Variants in RBFOX1 observed in about 807,000 individuals in gnomAD.
RBFOX1 encodes RNA binding protein fox-1 homolog 1.
Under a neutral mutation model 57.7 loss-of-function variants are expected in RBFOX1, and 8 were observed. The ratio of observed to expected loss-of-function variants is 0.14; its 90% CI spans 0.08 to 0.25. The LOEUF (loss-of-function observed/expected upper bound fraction) is 0.25. RBFOX1 is among the 10% of genes least tolerant of loss of function. The probability of loss-of-function intolerance (pLI) is 1.00; values close to 1 mark genes in which losing one functional copy is unlikely to be tolerated. For missense variants in RBFOX1, 611 were observed against 548.5 expected (o/e 1.11, Z -1.14); for synonymous variants, 326 against 222.4 (o/e 1.47, Z -4.15).
intron 2 of RBFOX1, among the ~76,000 whole-genome samples, chr16:6,441,398 T>TTTTTGTTTTGTTTTG (rs980903759): frequency 6.6e-6 from 1 of 152,010 alleles, no homozygotes; most frequent in African/African-American, 2.4e-5. Context: ...TTTTCTTGTT[T>TTTTTGTTTTGTTTTG]TTTTGTTTTG....
At chr16:6,609,355 T>C (rs961612795) in intron 2 of RBFOX1, among the ~76,000 whole-genome samples, 1 of 152,162 alleles carries the variant, frequency 6.6e-6, no homozygotes, top group African/African-American at 2.4e-5. Flanking sequence ...TTTTTATTTT[T>C]ATTTTTTGAG....
At position 5,890,081 on chromosome 16, in the gene RBFOX1, C is replaced by A. The variant is rs114018833; in HGVS notation, c.351+22746C>A. On this transcript the variant is annotated intron_variant, in intron 4 of 19. Coordinates refer to the RBFOX1 transcript ENST00000641259. ...GTGTTCCAGCTTCACCACGAACAGA[C>A]TGCCAGATCTTGGGTAAACTGTACT... is the stretch of plus-strand genomic sequence containing the variant. Among the ~76,000 whole-genome samples the A allele has an allele frequency of 3.7e-3, 557 of 152,286 alleles. 3 individuals carry two copies. Among genetic ancestry groups the A allele is most frequent in the African/African-American group, 0.013 (536 of 41,556 alleles).
At chr16:6,911,528 C>A (rs1438301840) in intron 3 of RBFOX1, among the ~76,000 whole-genome samples, 1 of 152,228 alleles carries the variant, frequency 6.6e-6, no homozygotes, top group East Asian at 1.9e-4. Context: ...GTCCAAATTT[C>A]CCCTTTTTAT....
chr16:5,814,912 G>A (rs1234203526), intron 3 of RBFOX1, among the ~76,000 whole-genome samples: 1 of 151,978 alleles, frequency 6.6e-6, no homozygotes, highest in African/African-American at 2.4e-5. Flanking sequence ...GTCCGGCCTG[G>A]GCGACAGAGC....
At chr16:5,788,644 A>G (rs1054626868) in intron 3 of RBFOX1, among the ~76,000 whole-genome samples, 2 of 152,090 alleles carry the variant, frequency 1.3e-5, no homozygotes, top group East Asian at 3.9e-4. Context: ...ATAAATGATA[A>G]ATAAACAAAC....
chr16:6,305,886 A>C (rs1451183635), intron 1 of RBFOX1, among the ~76,000 whole-genome samples: 4 of 151,968 alleles, frequency 2.6e-5, no homozygotes, highest in African/African-American at 9.7e-5. Flanking sequence ...TCTGTCCTCT[A>C]ACTGACCCCT....
At position 7,625,249 on chromosome 16, in the gene RBFOX1, C is replaced by G. The variant is rs140163190; in HGVS notation, c.677-5354C>G. Among the ~76,000 whole-genome samples the G allele has an allele frequency of 2.4e-3, 372 of 152,218 alleles. 2 individuals carry two copies. The highest frequency in any genetic ancestry group is 8.3e-3 in the African/African-American group (343 of 41,544). Reference sequence around the variant, plus strand: ...GGCACAGGTGGTGACAAGGAGAAGACAGCAGGAATCGCCACATTGAGTGAA... The same window carrying G: ...GGCACAGGTGGTGACAAGGAGAAGAGAGCAGGAATCGCCACATTGAGTGAA... On this transcript the variant is annotated intron_variant, in intron 10 of 15. Coordinates refer to ENST00000550418, the MANE Select transcript of RBFOX1 (RefSeq NM_018723.4).
At chr16:5,503,729 C>G (rs546409905) in intron 2 of RBFOX1, among the ~76,000 whole-genome samples, 1 of 152,170 alleles carries the variant, frequency 6.6e-6, no homozygotes, top group Non-Finnish European at 1.5e-5. Context: ...CAAGCATGAG[C>G]CACCATACCT....
At chr16:5,292,672 G>A (rs2063563999) in intron 1 of RBFOX1, among the ~76,000 whole-genome samples, 1 of 152,060 alleles carries the variant, frequency 6.6e-6, no homozygotes, top group Admixed American at 6.5e-5. Flanking sequence ...TCACCAGGCT[G>A]GAGTTCAGTG....
chr16:7,066,815 C>T (rs2056165972), intron 4 of RBFOX1, among the ~76,000 whole-genome samples: 1 of 152,126 alleles, frequency 6.6e-6, no homozygotes, highest in African/African-American at 2.4e-5. Context: ...ATAAGAGGAG[C>T]ACTTGATGTC....
chr16:6,071,187 G>A (rs1192861070), intron 1 of RBFOX1, among the ~76,000 whole-genome samples: 2 of 152,146 alleles, frequency 1.3e-5, no homozygotes, highest in Non-Finnish European at 2.9e-5. Flanking sequence ...CGGGACGTGT[G>A]GCACATGCCT....
intron 4 of RBFOX1, among the ~76,000 whole-genome samples, chr16:7,274,836 C>T (rs1426894350): frequency 6.6e-6 from 1 of 151,978 alleles, no homozygotes; most frequent in Non-Finnish European, 1.5e-5. Flanking sequence ...AGGTGTGTGC[C>T]ACCACACCTG....
intron 3 of RBFOX1, among the ~76,000 whole-genome samples, chr16:6,855,976 G>A (rs1039833246): frequency 1.3e-5 from 2 of 151,708 alleles, no homozygotes; most frequent in African/African-American, 4.9e-5. Flanking sequence ...AAAGACTCCT[G>A]CCTAATACAG....
intron 1 of RBFOX1, among the ~76,000 whole-genome samples, chr16:5,403,270 A>C (rs911449003): frequency 6.8e-6 from 1 of 147,352 alleles, no homozygotes; most frequent in African/African-American, 2.5e-5. Context: ...GAATCGCTTG[A>C]GCCTGGGAGG....
chr16:7,478,887 C>T (rs151052073), intron 4 of RBFOX1, among the ~76,000 whole-genome samples: 14 of 152,176 alleles, frequency 9.2e-5, no homozygotes, highest in African/African-American at 4.8e-5. Context: ...GCATCTTGAA[C>T]GGGGCTAGTT....
intron 1 of RBFOX1, among the ~76,000 whole-genome samples, chr16:5,395,574 G>A (rs2066528288): frequency 6.6e-6 from 1 of 152,172 alleles, no homozygotes; most frequent in South Asian, 2.1e-4. Context: ...TATAATGTAT[G>A]TGGTGGAGAC....
At chr16:7,565,923 G>A (rs1331083412) in intron 5 of RBFOX1, among the ~76,000 whole-genome samples, 2 of 152,006 alleles carry the variant, frequency 1.3e-5, no homozygotes, top group African/African-American at 4.8e-5. Context: ...ACACCGTGAT[G>A]GTGAATTTGG....
intron 4 of RBFOX1, among the ~76,000 whole-genome samples, chr16:7,139,774 T>C (rs1377405208): frequency 1.3e-5 from 2 of 152,062 alleles, no homozygotes. Flanking sequence ...TTTTTTTAAG[T>C]TCATCGGTGA....
intron 4 of RBFOX1, among the ~76,000 whole-genome samples, chr16:7,172,360 T>C (rs1360565555): frequency 6.6e-6 from 1 of 152,186 alleles, no homozygotes; most frequent in Non-Finnish European, 1.5e-5. Flanking sequence ...ATAAAGTATA[T>C]AATAAAAGTA....
Sources: gnomAD v4.1 joint callset for allele counts (sites outside exome capture counted in the v4.1 genomes callset) on GRCh38, gnomAD v4.1.1 for gene constraint, MANE v1.5 for transcripts, NCBI Gene and HGNC (gene_info 2026-07-23, HGNC 2026-07-21) for gene names.